The following SEPTIN9 variants were observed in gnomAD, a reference collection of about 807,000 sequenced individuals.
SEPTIN9 encodes the protein septin 9.
SEPTIN9 carries 13 observed loss-of-function variants against 56.6 expected under a neutral mutation model. That is an observed-to-expected ratio of 0.23 (90% CI 0.15 to 0.37). The LOEUF (loss-of-function observed/expected upper bound fraction) is 0.37. Ranked by LOEUF, SEPTIN9 falls within the 10% of genes least tolerant of loss-of-function variation. The pLI, the probability that SEPTIN9 is intolerant of heterozygous loss-of-function variation, is 1.00. For missense variants in SEPTIN9, 650 were observed against 823.1 expected (o/e 0.79, Z 2.57); for synonymous variants, 332 against 334.1 (o/e 0.99, Z 0.07).
Position 77,476,565 on chromosome 17 carries a change from C to T in SEPTIN9, c.722-5579C>T, listed in dbSNP as rs952980088. 6.6e-6 allele frequency among the ~76,000 whole-genome samples: 1 copy of T among 152,170 alleles called. No homozygotes were observed. The highest frequency in any genetic ancestry group is 6.5e-5 in the Admixed American group (1 of 15,282). ...TCTGGAGAAAAGATGGCCCAGTGGACGCCTGCGGGGAGGAGGGAGCTGGTC... is the reference window on the plus strand; with the variant it reads ...TCTGGAGAAAAGATGGCCCAGTGGATGCCTGCGGGGAGGAGGGAGCTGGTC... On this transcript the variant is annotated intron_variant, in intron 3 of 11. Coordinates refer to ENST00000427177, the MANE Select transcript of SEPTIN9 (RefSeq NM_001113491.2). The surrounding 1 kb of genome is among the most constrained non-coding windows in gnomAD (Gnocchi z 6.0).
chr17:77,295,687 C>T (rs1415617609), intron 1 of SEPTIN9, among the ~76,000 whole-genome samples: 1 of 152,130 alleles, frequency 6.6e-6, no homozygotes, highest in African/African-American at 2.4e-5. Flanking sequence ...CAAACAGGAG[C>T]TCCCCTCTCT....
chr17:77,334,072 T>C (rs2033454956), intron 2 of SEPTIN9, among the ~76,000 whole-genome samples: 1 of 152,180 alleles, frequency 6.6e-6, no homozygotes, highest in African/African-American at 2.4e-5. Flanking sequence ...ACTTGGGTTT[T>C]GTTTTGTTGC....
At chr17:77,388,445 C>T (rs1461132908) in intron 2 of SEPTIN9, among the ~76,000 whole-genome samples, 1 of 152,236 alleles carries the variant, frequency 6.6e-6, no homozygotes, top group Non-Finnish European at 1.5e-5. Context: ...CCAGGTCCTC[C>T]TCACCCTGGA....
chr17:77,369,529 GA>G lies in SEPTIN9; in HGVS notation c.77-32529del, dbSNP rs1387796419. On this transcript the variant is annotated intron_variant, in intron 2 of 11. Coordinates refer to ENST00000427177, the MANE Select transcript of SEPTIN9 (RefSeq NM_001113491.2). This position sits in a 1 kb window ranked among gnomAD's most constrained non-coding sequence, Gnocchi z 4.9. ...GGTGGATGGTAGCACCGTTTCCTAA[GA>G]TGAGGGGCTGTGGGAACTTGAGGGG... is the stretch of plus-strand genomic sequence containing the variant. Among the ~76,000 whole-genome samples, 1 of 152,224 alleles carries G rather than the reference GA, an allele frequency of 6.6e-6. No homozygotes were observed. Among genetic ancestry groups the G allele is most frequent in the African/African-American group, 2.4e-5 (1 of 41,454 alleles).
At chr17:77,320,730 T>C (rs1427656513) in intron 2 of SEPTIN9, among the ~76,000 whole-genome samples, 3 of 152,232 alleles carry the variant, frequency 2.0e-5, no homozygotes, top group African/African-American at 7.2e-5. Context: ...GGTTGGTTTG[T>C]CCACTGTGTG....
intron 3 of SEPTIN9, among the ~76,000 whole-genome samples, chr17:77,462,589 C>T (rs2144508678): frequency 6.6e-6 from 1 of 152,278 alleles, no homozygotes; most frequent in Non-Finnish European, 1.5e-5. Context: ...CGGCCTAGGC[C>T]TGAACAGTTT....
intron 2 of SEPTIN9, chr17:77,373,778 G>A: frequency 1.4e-6 from 1 of 735,982 alleles, no homozygotes; most frequent in Non-Finnish European, 2.0e-6. Flanking sequence ...GACCCTGCGC[G>A]CCCTCACAGG....
chr17:77,370,570 C>T (rs148212743), intron 2 of SEPTIN9, among the ~76,000 whole-genome samples: 8 of 152,302 alleles, frequency 5.3e-5, no homozygotes, highest in Admixed American at 2.6e-4. Flanking sequence ...GCACTGAAGA[C>T]GCAGGCGGTC....
chr17:77,346,511 A>T (rs1280444942), intron 2 of SEPTIN9, among the ~76,000 whole-genome samples: 1 of 151,826 alleles, frequency 6.6e-6, no homozygotes, highest in Non-Finnish European at 1.5e-5. Context: ...TCTTAGAGCT[A>T]TTGATTTCTA....
At chr17:77,485,000 AAGGGGGTGATGGTGG>A (rs2039673419) in intron 4 of SEPTIN9, among the ~76,000 whole-genome samples, 1 of 1,246 alleles carries the variant, frequency 8.0e-4, no homozygotes, top group Non-Finnish European at 1.4e-3. Flanking sequence ...GATGGTGGTG[AAGGGGGTGATGGTGG>A]TGATTGTGAT....
chr17:77,373,433 C>G (rs576443636), intron 2 of SEPTIN9: 6 of 1,462,762 alleles, frequency 4.1e-6, no homozygotes, highest in South Asian at 1.3e-5. Context: ...CGCGCAGGGC[C>G]CGGGCCCCGC....
chr17:77,337,384 T>C (rs2033590504), intron 2 of SEPTIN9, among the ~76,000 whole-genome samples: 1 of 152,212 alleles, frequency 6.6e-6, no homozygotes, highest in Non-Finnish European at 1.5e-5. Context: ...CCTTTTTATA[T>C]ATTGCTAAAT....
chr17:77,452,264 G>A (rs906118366), intron 3 of SEPTIN9, among the ~76,000 whole-genome samples: 3 of 152,214 alleles, frequency 2.0e-5, no homozygotes, highest in African/African-American at 7.2e-5. Flanking sequence ...GCTTTCAGAG[G>A]GTCTTTTCAT....
chr17:77,492,638 G>T lies in SEPTIN9; in HGVS notation c.1398G>T (p.Leu466=), dbSNP rs375450011. The T allele has an allele frequency of 1.2e-6, 2 of 1,614,104 alleles. No homozygotes were observed. The highest frequency in any genetic ancestry group is 4.5e-5 in the East Asian group (2 of 44,884). Reference sequence around the variant, plus strand: ...TATCCCAGATCACCGCAGACCTGCTGTCCAACGGCATCGACGTGTACCCCC... The same window carrying T: ...TATCCCAGATCACCGCAGACCTGCTTTCCAACGGCATCGACGTGTACCCCC... ...HFKQRITADL[L]SNGIDVYPQK... is the part of the protein sequence containing the mutation. Residue 466 remains leucine (L), a synonymous_variant, in exon 9 of 12, where the codon CTG becomes CTT. Coordinates refer to ENST00000427177, the MANE Select transcript of SEPTIN9 (RefSeq NM_001113491.2). The surrounding 1 kb of genome is among the most constrained non-coding windows in gnomAD (Gnocchi z 5.4).
At chr17:77,478,351 C>A (rs1030484610) in intron 3 of SEPTIN9, among the ~76,000 whole-genome samples, 1 of 152,170 alleles carries the variant, frequency 6.6e-6, no homozygotes, top group Non-Finnish European at 1.5e-5. Context: ...CTAGAACCAC[C>A]GTAGCATCCC....
rs1018628569 is a variant in SEPTIN9, at chr17:77,433,017, G to A, written c.721+30314G>A. 1.3e-5 allele frequency among the ~76,000 whole-genome samples: 2 copies of A among 152,220 alleles called. No homozygotes were observed. Among genetic ancestry groups the A allele is most frequent in the African/African-American group, 4.8e-5 (2 of 41,450 alleles). ...AATCCCCTGTCGCCGTGGCGGGGCT[G>A]TTCCCTCCTGCCCCTCCCCTCCCGC... On this transcript the variant is annotated intron_variant, in intron 3 of 11. Transcript: ENST00000427177. The surrounding 1 kb of genome is among the most constrained non-coding windows in gnomAD (Gnocchi z 6.4).
chr17:77,424,014 G>C (rs1443505695), intron 3 of SEPTIN9, among the ~76,000 whole-genome samples: 1 of 152,188 alleles, frequency 6.6e-6, no homozygotes, highest in Non-Finnish European at 1.5e-5. Flanking sequence ...TGCTTTGAGC[G>C]CTGAGCAGAT....
chr17:77,281,953 C>G (rs867932662), intron 1 of SEPTIN9: 27 of 208,210 alleles, frequency 1.3e-4, no homozygotes, highest in Non-Finnish European at 7.7e-5. Context: ...TGGTCCAGGC[C>G]GCAGCATCCT....
At chr17:77,407,968 GC>G (rs960084068) in intron 3 of SEPTIN9, among the ~76,000 whole-genome samples, 1 of 151,772 alleles carries the variant, frequency 6.6e-6, no homozygotes, top group African/African-American at 2.4e-5. Context: ...CTGGCTCAGA[GC>G]CCCCCCCACC....
Sources: gnomAD v4.1 joint callset for allele counts (sites outside exome capture counted in the v4.1 genomes callset) on GRCh38, gnomAD v4.1.1 for gene constraint, Gnocchi (gnomAD v3.1) non-coding constraint, MANE v1.5 for transcripts, NCBI Gene and HGNC (gene_info 2026-07-23, HGNC 2026-07-21) for gene names.